Variants in RSRC1 observed in about 807,000 individuals in gnomAD.
RSRC1 encodes arginine and serine rich coiled-coil 1.
A neutral mutation model predicts 49.1 loss-of-function variants in RSRC1; 39 were observed. The ratio of observed to expected loss-of-function variants is 0.79; its 90% confidence interval spans 0.61 to 1.04. RSRC1 has a LOEUF of 1.04. Ranked by LOEUF, RSRC1 falls within the 50% of genes least tolerant of loss-of-function variation. RSRC1 has a pLI of 0.00. For synonymous variants in RSRC1, 143 were observed against 130.8 expected, an observed-to-expected ratio of 1.09 and a Z score of -0.63; for missense variants, 388 against 402.4, an observed-to-expected ratio of 0.96 and a Z score of 0.31.
At chr3:158,210,747 GTCAAGA>G (rs1248996763) in intron 4 of RSRC1, among the ~76,000 whole-genome samples, 1 of 151,978 alleles carries the variant, frequency 6.6e-6, no homozygotes, top group Non-Finnish European at 1.5e-5. Flanking sequence ...AAAAGATGAG[GTCAAGA>G]AAGGGAACAT....
chr3:158,502,853 T>A (rs188929934), intron 7 of RSRC1, among the ~76,000 whole-genome samples: 14 of 152,316 alleles, frequency 9.2e-5, no homozygotes, highest in Middle Eastern at 3.4e-3. Flanking sequence ...CCTGAATTCT[T>A]GTTAAGGTAA....
At chr3:158,249,607 C>T (rs1215784046) in intron 4 of RSRC1, among the ~76,000 whole-genome samples, 1 of 151,998 alleles carries the variant, frequency 6.6e-6, no homozygotes, top group East Asian at 1.9e-4. Context: ...TGGACGTATT[C>T]TTTCATTTCT....
chr3:158,236,157 C>T (rs1723236642), intron 4 of RSRC1, among the ~76,000 whole-genome samples: 1 of 151,296 alleles, frequency 6.6e-6, no homozygotes, highest in African/African-American at 2.4e-5. Context: ...CCAGAGTTAT[C>T]TGTGATGTAT....
intron 6 of RSRC1, among the ~76,000 whole-genome samples, chr3:158,394,081 A>C (rs1335060050): frequency 6.6e-6 from 1 of 152,138 alleles, no homozygotes. Context: ...AGATGCAGAA[A>C]AGGCTTTTGA....
chr3:158,279,744 GTGGTATTTC>G (rs1726027805), intron 4 of RSRC1, among the ~76,000 whole-genome samples: 3 of 152,210 alleles, frequency 2.0e-5, no homozygotes, highest in African/African-American at 7.2e-5. Flanking sequence ...CTTATATGCA[GTGGTATTTC>G]AAGCCTCTAG....
intron 6 of RSRC1, among the ~76,000 whole-genome samples, chr3:158,391,212 C>A (rs534128227): frequency 2.0e-5 from 3 of 152,160 alleles, no homozygotes; most frequent in South Asian, 2.1e-4. Context: ...TTATTTTTTT[C>A]TTTGTATTTT....
chr3:158,379,264 G>A (rs953990537), intron 6 of RSRC1, among the ~76,000 whole-genome samples: 1 of 140,978 alleles, frequency 7.1e-6, no homozygotes, highest in Non-Finnish European at 1.5e-5. Flanking sequence ...GCAGTGGCGC[G>A]ATCTCAGCTC....
At chr3:158,304,630 A>G (rs980241259) in intron 5 of RSRC1, among the ~76,000 whole-genome samples, 2 of 152,142 alleles carry the variant, frequency 1.3e-5, no homozygotes, top group South Asian at 4.1e-4. Context: ...AATTTATTAA[A>G]CACTGATTAA....
chr3:158,133,946 C>T (rs1177632576), intron 3 of RSRC1, among the ~76,000 whole-genome samples: 2 of 151,982 alleles, frequency 1.3e-5, no homozygotes, highest in Non-Finnish European at 2.9e-5. Context: ...AGAAAGACGG[C>T]GGCTGATAAA....
At chr3:158,256,904 A>G (rs1724594719) in intron 4 of RSRC1, among the ~76,000 whole-genome samples, 1 of 152,020 alleles carries the variant, frequency 6.6e-6, no homozygotes, top group Admixed American at 6.5e-5. Context: ...CTTCTGTGGG[A>G]TCCATGGTGG....
At chr3:158,396,943 T>C (rs1010867442) in intron 6 of RSRC1, among the ~76,000 whole-genome samples, 1 of 152,148 alleles carries the variant, frequency 6.6e-6, no homozygotes, top group South Asian at 2.1e-4. Context: ...ATTTTACATA[T>C]GAGAAAACAA....
At chr3:158,264,569 T>A (rs1416117872) in intron 4 of RSRC1, among the ~76,000 whole-genome samples, 1 of 152,234 alleles carries the variant, frequency 6.6e-6, no homozygotes, top group South Asian at 2.1e-4. Flanking sequence ...TTTCTGATTA[T>A]CCACTTGTTC....
chr3:158,518,011 C>T (rs565341311), intron 7 of RSRC1, among the ~76,000 whole-genome samples: 60 of 147,902 alleles, frequency 4.1e-4, no homozygotes, highest in African/African-American at 1.4e-3. Context: ...ATAAACCAAA[C>T]ATGGTTATGG....
chr3:158,153,944 T>C (rs1717700069), intron 3 of RSRC1, among the ~76,000 whole-genome samples: 1 of 152,180 alleles, frequency 6.6e-6, no homozygotes, highest in Admixed American at 6.5e-5. Flanking sequence ...ATGCAAAATG[T>C]GAAAATATAG....
At chr3:158,347,797 T>G (rs1464153588) in intron 5 of RSRC1, among the ~76,000 whole-genome samples, 2 of 152,168 alleles carry the variant, frequency 1.3e-5, no homozygotes, top group Non-Finnish European at 2.9e-5. Flanking sequence ...CAAACAATCC[T>G]CCTGCCTCAG....
intron 4 of RSRC1, among the ~76,000 whole-genome samples, chr3:158,222,253 G>T (rs896881897): frequency 1.3e-5 from 2 of 151,438 alleles, no homozygotes; most frequent in African/African-American, 4.8e-5. Flanking sequence ...TTTTTCACAT[G>T]TAACCATCTT....
At chr3:158,156,445 C>G (rs1559922358) in intron 3 of RSRC1, among the ~76,000 whole-genome samples, 1 of 152,090 alleles carries the variant, frequency 6.6e-6, no homozygotes, top group South Asian at 2.1e-4. Flanking sequence ...TGGAATAGTA[C>G]TTTTAATATT....
At chr3:158,439,430 A>G (rs1309154538) in intron 6 of RSRC1, among the ~76,000 whole-genome samples, 1 of 152,156 alleles carries the variant, frequency 6.6e-6, no homozygotes, top group African/African-American at 2.4e-5. Flanking sequence ...TCCATCAATG[A>G]TAGACTGGAT....
Position 158,478,202 on chromosome 3 carries a change from A to G in RSRC1, c.652+17199A>G, listed in dbSNP as rs1471506831. Among the ~76,000 whole-genome samples the G allele has an allele frequency of 3.3e-5, 5 of 151,778 alleles. No homozygotes were observed. The South Asian group carries it at 8.3e-4, about 25-fold the overall frequency. ...TTAGTATTTTCACTAGACTATCACA[A>G]TCATTTTACACTGTTAGACCTAGGT... On this transcript the variant is annotated intron_variant, in intron 7 of 9. Transcript: ENST00000611884.
Sources: gnomAD v4.1 joint callset for allele counts (sites outside exome capture counted in the v4.1 genomes callset) on GRCh38, gnomAD v4.1.1 for gene constraint, MANE v1.5 for transcripts, NCBI Gene and HGNC (gene_info 2026-07-23, HGNC 2026-07-21) for gene names.